The following TIAM1 variants were observed in gnomAD, a reference collection of about 807,000 sequenced individuals.
TIAM1 encodes the protein TIAM Rac1 associated GEF 1.
Under a neutral mutation model 163.5 loss-of-function variants are expected in TIAM1, and 65 were observed. The observed-to-expected ratio is 0.40, with a 90% confidence interval of 0.33 to 0.49. The LOEUF (loss-of-function observed/expected upper bound fraction) is 0.49, where lower values mean the gene tolerates loss of function less well. TIAM1 is among the 20% of genes least tolerant of loss of function. The pLI is 0.77. For missense variants in TIAM1, 1,789 were observed against 2,044.7 expected (o/e 0.87, Z 2.41); for synonymous variants, 833 against 810.1 (o/e 1.03, Z -0.48).
chr21:31,252,368 C>T (rs1183227490), intron 4 of TIAM1, among the ~76,000 whole-genome samples, 179 bp from the exon 5 acceptor site: 1 of 152,146 alleles, frequency 6.6e-6, no homozygotes, highest in Admixed American at 6.5e-5. Flanking sequence ...CCGCACAGAC[C>T]CAGCAGAGCT....
At chr21:31,285,059 C>A (rs1332147021) in intron 2 of TIAM1, among the ~76,000 whole-genome samples, 1 of 152,186 alleles carries the variant, frequency 6.6e-6, no homozygotes, top group Non-Finnish European at 1.5e-5. Context: ...CTAACCTGTT[C>A]CCTTACCATG....
chr21:31,142,723 A>C (rs2082914173), intron 20 of TIAM1, among the ~76,000 whole-genome samples: 1 of 152,146 alleles, frequency 6.6e-6, no homozygotes, highest in Admixed American at 6.5e-5. Flanking sequence ...GTGCCAGTGA[A>C]GCAGAGCAAG....
Position 31,295,469 on chromosome 21 carries a change from CAAAAAAA to C in TIAM1, c.-188-18568_-188-18562del, listed in dbSNP as rs1215751004. The stretch of plus-strand genomic sequence containing the variant: ...TGGGTGACAGAGTGAGACTCCATCA[CAAAAAAA>C]AAAAAAAAAAAAAGGTCTTAAAGAT... On this transcript the variant is annotated intron_variant, in intron 2 of 27. Coordinates refer to ENST00000541036, the MANE Select transcript of TIAM1 (RefSeq NM_001353694.2). 1.1e-4 allele frequency among the ~76,000 whole-genome samples: 7 copies of C among 66,016 alleles called. No homozygotes were observed. In the South Asian group the frequency reaches 2.7e-3, roughly 26 times the overall value. 43.3% of individuals were successfully genotyped at this position (66,016 alleles called of 152,430 possible). A position where few individuals can be genotyped will look rare whatever the true frequency, so the allele number is the denominator to read the frequency against.
At chr21:31,365,076 T>C (rs2076476355) in intron 2 of TIAM1, among the ~76,000 whole-genome samples, 1 of 152,168 alleles carries the variant, frequency 6.6e-6, no homozygotes, top group South Asian at 2.1e-4. Flanking sequence ...CGCTTAAAAA[T>C]GTAAAAGACA....
intron 2 of TIAM1, among the ~76,000 whole-genome samples, chr21:31,289,611 T>C (rs918791994): frequency 6.6e-6 from 1 of 152,126 alleles, no homozygotes; most frequent in African/African-American, 2.4e-5. Flanking sequence ...AAATGACAAA[T>C]TGGGAGAGAA....
intron 1 of TIAM1, among the ~76,000 whole-genome samples, chr21:31,488,891 G>C (rs1177299079): frequency 6.6e-6 from 1 of 151,916 alleles, no homozygotes; most frequent in Non-Finnish European, 1.5e-5. Context: ...GAAAACATAA[G>C]TGAAAAATGT....
chr21:31,441,294 C>T (rs1288543009), intron 2 of TIAM1, among the ~76,000 whole-genome samples: 2 of 152,146 alleles, frequency 1.3e-5, no homozygotes, highest in East Asian at 1.9e-4. Flanking sequence ...CCCAAGCATC[C>T]CCCTGCATAA....
intron 6 of TIAM1, among the ~76,000 whole-genome samples, chr21:31,227,176 C>T (rs971089262): frequency 2.0e-5 from 3 of 151,804 alleles, no homozygotes; most frequent in Non-Finnish European, 2.9e-5. Context: ...AGGCTGGTCT[C>T]GAACTCCTGA....
chr21:31,166,996 G>A (rs2084255183), intron 15 of TIAM1, among the ~76,000 whole-genome samples: 1 of 151,960 alleles, frequency 6.6e-6, no homozygotes, highest in Non-Finnish European at 1.5e-5. Context: ...ACACTGTGCA[G>A]AGAAATGCTG....
At chr21:31,236,185 T>C (rs1027902653) in intron 6 of TIAM1, among the ~76,000 whole-genome samples, 1 of 152,326 alleles carries the variant, frequency 6.6e-6, no homozygotes, top group African/African-American at 2.4e-5. Context: ...GTGGTATTTC[T>C]TTCACCAGAT....
At chr21:31,539,191 T>C (rs1277007465) in intron 1 of TIAM1, among the ~76,000 whole-genome samples, 1 of 151,556 alleles carries the variant, frequency 6.6e-6, no homozygotes, top group Non-Finnish European at 1.5e-5. Flanking sequence ...TGGTCTCGAC[T>C]AAATAAAATA....
intron 2 of TIAM1, among the ~76,000 whole-genome samples, chr21:31,373,406 G>T (rs559792397): frequency 2.6e-5 from 4 of 152,206 alleles, no homozygotes; most frequent in African/African-American, 7.2e-5. Context: ...GGCTGGGGAG[G>T]CCTCAGAATC....
At position 31,201,852 on chromosome 21, in the gene TIAM1, A is replaced by T. The variant is rs193106465; in HGVS notation, c.2493+1056T>A. ...TGCTCCCAAAATGTTTCTTTCCTGG[A>T]ACTGACAAACGCACCACTTTGCTAA... On this transcript the variant is annotated intron_variant, in intron 12 of 27. Coordinates refer to ENST00000541036, the MANE Select transcript of TIAM1 (RefSeq NM_001353694.2). Among the ~76,000 whole-genome samples the T allele has an allele frequency of 3.3e-5, 5 of 152,320 alleles. No individual in the cohort carries two copies. The South Asian group carries it at 8.3e-4, about 25-fold the overall frequency.
intron 26 of TIAM1, 108 bp from the exon 27 acceptor site, chr21:31,124,802 A>T: frequency 1.1e-6 from 1 of 947,618 alleles, no homozygotes; most frequent in Non-Finnish European, 1.5e-6. Flanking sequence ...CCAAAGGCTA[A>T]AGACTGAGGC....
chr21:31,281,085 CAAA>C lies in TIAM1; in HGVS notation c.-188-4180_-188-4178del, dbSNP rs748020575. Reference sequence around the variant, plus strand: ...TGGGCAACAAAGTGAGACCCTAACTCAAAAAAAAAAAAAAAAAAAAAAACAACG... The same window carrying C: ...TGGGCAACAAAGTGAGACCCTAACTCAAAAAAAAAAAAAAAAAAAACAACG... On this transcript the variant is annotated intron_variant, in intron 2 of 27. Coordinates refer to ENST00000541036, the MANE Select transcript of TIAM1 (RefSeq NM_001353694.2). Among the ~76,000 whole-genome samples the C allele has an allele frequency of 6.3e-5, 4 of 63,758 alleles. No individual in the cohort carries two copies. In the South Asian group the frequency reaches 2.9e-3, roughly 46 times the overall value. 41.8% of individuals were successfully genotyped at this position (63,758 alleles called of 152,430 possible).
At chr21:31,177,267 T>C (rs530742623) in intron 15 of TIAM1, among the ~76,000 whole-genome samples, 2 of 152,234 alleles carry the variant, frequency 1.3e-5, no homozygotes, top group South Asian at 4.2e-4. Flanking sequence ...CACAGAGGGA[T>C]TAAGCATGAC....
intron 2 of TIAM1, among the ~76,000 whole-genome samples, chr21:31,412,757 G>A (rs2043242883): frequency 6.8e-6 from 1 of 147,590 alleles, no homozygotes; most frequent in African/African-American, 2.5e-5. Context: ...ACTCCAGCCT[G>A]GGAAAGAGAG....
At chr21:31,127,258 C>T (rs1003434495) in intron 25 of TIAM1, 106 bp from the exon 26 acceptor site, 1 of 977,442 alleles carries the variant, frequency 1.0e-6, no homozygotes. Flanking sequence ...TAATGCAGAA[C>T]ACTGTATAAG....
At chr21:31,126,353 T>C (rs1467756048) in intron 26 of TIAM1, among the ~76,000 whole-genome samples, 16 of 152,118 alleles carry the variant, frequency 1.1e-4, no homozygotes, top group Admixed American at 9.2e-4. Context: ...CAGACCACGA[T>C]GTCAGGAGAT....
Sources: gnomAD v4.1 joint callset for allele counts (sites outside exome capture counted in the v4.1 genomes callset) on GRCh38, gnomAD v4.1.1 for gene constraint, MANE v1.5 for transcripts, NCBI Gene and HGNC (gene_info 2026-07-23, HGNC 2026-07-21) for gene names.